The following SLC25A13 variants were observed in gnomAD, a reference collection of about 807,000 sequenced individuals.
The protein encoded by SLC25A13 is electrogenic aspartate/glutamate antiporter SLC25A13, mitochondrial.
A neutral mutation model predicts 85.5 loss-of-function variants in SLC25A13; 70 were observed. The ratio of observed to expected loss-of-function variants is 0.82; its 90% CI spans 0.68 to 1.00. SLC25A13 has a LOEUF of 1.00. SLC25A13 is among the 50% of genes least tolerant of loss of function. SLC25A13 has a pLI of 0.00. For missense variants in SLC25A13, 765 were observed against 819.8 expected, an observed-to-expected ratio of 0.93 and a Z score of 0.82; for synonymous variants, 259 against 288.7, an observed-to-expected ratio of 0.90 and a Z score of 1.04.
At chr7:96,301,631 TG>T (rs1395822858) in intron 1 of SLC25A13, among the ~76,000 whole-genome samples, 6 of 151,158 alleles carry the variant, frequency 4.0e-5, no homozygotes, top group Non-Finnish European at 8.9e-5. Context: ...TTTGGTGTTT[TG>T]TTTTTTTTTT....
intron 1 of SLC25A13, among the ~76,000 whole-genome samples, chr7:96,306,278 C>G (rs1162144357): frequency 6.6e-6 from 1 of 152,224 alleles, no homozygotes; most frequent in Non-Finnish European, 1.5e-5. Context: ...AATTAGGACA[C>G]AAGAGTCTGA....
chr7:96,163,409 G>T (rs1290523633), intron 13 of SLC25A13, among the ~76,000 whole-genome samples: 1 of 152,202 alleles, frequency 6.6e-6, no homozygotes, highest in African/African-American at 2.4e-5. Flanking sequence ...CTTCAGATGA[G>T]TCTGGCCCCA....
At chr7:96,193,254 T>TC (rs1465893196) in intron 5 of SLC25A13, 71 bp from the exon 6 acceptor site, 1 of 1,565,342 alleles carries the variant, frequency 6.4e-7, no homozygotes, top group Non-Finnish European at 8.7e-7. Flanking sequence ...GACAGTTCAT[T>TC]TTAAAATCAG....
chr7:96,192,243 A>T (rs1794882740), intron 6 of SLC25A13, among the ~76,000 whole-genome samples: 1 of 152,194 alleles, frequency 6.6e-6, no homozygotes, highest in Non-Finnish European at 1.5e-5. Flanking sequence ...GGAAACCCAG[A>T]TGATGGTGAA....
intron 4 of SLC25A13, among the ~76,000 whole-genome samples, chr7:96,216,628 A>G (rs1182126619): frequency 6.6e-6 from 1 of 152,190 alleles, no homozygotes; most frequent in Non-Finnish European, 1.5e-5. Flanking sequence ...GGCCGTTATC[A>G]TTAGCAAACT....
intron 5 of SLC25A13, among the ~76,000 whole-genome samples, chr7:96,203,449 A>G (rs927377651): frequency 2.0e-5 from 3 of 152,166 alleles, no homozygotes; most frequent in African/African-American, 7.2e-5. Flanking sequence ...CTTCAAATCC[A>G]CCTGTCTAAT....
intron 15 of SLC25A13, among the ~76,000 whole-genome samples, chr7:96,123,876 G>GC (rs1791620412): frequency 6.6e-6 from 1 of 152,210 alleles, no homozygotes; most frequent in Non-Finnish European, 1.5e-5. Flanking sequence ...AGATCTGCCT[G>GC]CTCTCTTCTG....
chr7:96,209,978 G>T (rs1266337712), intron 4 of SLC25A13, among the ~76,000 whole-genome samples: 1 of 151,984 alleles, frequency 6.6e-6, no homozygotes, highest in Admixed American at 6.5e-5. Flanking sequence ...AACAAAAAAA[G>T]AAGAAGAAAG....
At chr7:96,285,080 C>G (rs1474040435) in intron 2 of SLC25A13, among the ~76,000 whole-genome samples, 1 of 151,838 alleles carries the variant, frequency 6.6e-6, no homozygotes, top group Non-Finnish European at 1.5e-5. Context: ...TTTCCTCCCT[C>G]GAGCTACTGG....
At chr7:96,128,876 G>A (rs749423169) in intron 15 of SLC25A13, among the ~76,000 whole-genome samples, 23 of 149,826 alleles carry the variant, frequency 1.5e-4, no homozygotes, top group Non-Finnish European at 2.8e-4. Flanking sequence ...TGACATTCAC[G>A]CCTCTGCTTC....
intron 5 of SLC25A13, among the ~76,000 whole-genome samples, chr7:96,198,498 C>T (rs186385019): frequency 3.4e-4 from 52 of 152,310 alleles, no homozygotes; most frequent in Non-Finnish European, 5.7e-4. Flanking sequence ...ACTTCAAAGA[C>T]AGCATTTCAC....
At chr7:96,247,969 AAAAAAG>A (rs1175002235) in intron 3 of SLC25A13, among the ~76,000 whole-genome samples, 1 of 151,838 alleles carries the variant, frequency 6.6e-6, no homozygotes, top group African/African-American at 2.4e-5. Context: ...AAAAAAAAAA[AAAAAAG>A]AAAGAGTAGC....
chr7:96,208,365 T>C (rs1196784094), intron 5 of SLC25A13, among the ~76,000 whole-genome samples: 1 of 152,166 alleles, frequency 6.6e-6, no homozygotes, highest in Non-Finnish European at 1.5e-5. Flanking sequence ...TACTTCTCAA[T>C]GGGACAGTTT....
At position 96,120,301 on chromosome 7, in the gene SLC25A13, T is replaced by C. The variant is rs1288727046; in HGVS notation, c.*890A>G. 1 of 453,966 alleles carries C rather than the reference T, an allele frequency of 2.2e-6. No individual in the cohort carries two copies. Among genetic ancestry groups the C allele is most frequent in the Non-Finnish European group, 4.4e-6 (1 of 226,764 alleles). 28.1% of individuals were successfully genotyped at this position (453,966 alleles called of 1,614,324 possible). A position where few individuals can be genotyped will look rare whatever the true frequency, so the allele number is the denominator to read the frequency against. On this transcript the variant is annotated 3_prime_UTR_variant, in exon 18 of 18. Transcript: ENST00000265631. ...TGCAAGGCAACATGAATTAAATACT[T>C]ATGTCAGAACATATTTGTCTTACAT...
rs771453357 is a variant in SLC25A13, at chr7:96,219,651, C to A, written c.329-10674G>T. 23 of 533,314 alleles carry A rather than the reference C, an allele frequency of 4.3e-5. 2 individuals carry two copies. The Middle Eastern group carries it at 7.3e-3, about 169-fold the overall frequency. The allele number at this position is 533,314 out of a possible 1,614,324, so 33.0% of individuals were successfully genotyped here. On this transcript the variant is annotated intron_variant, in intron 4 of 17. Transcript: ENST00000265631. ...TAAAACACATTCCCAAGCCCCACAC[C>A]CAAAAATTATGAATCAGTAGATTTG...
Position 96,304,359 on chromosome 7 carries a change from T to C in SLC25A13, c.16-7408A>G, listed in dbSNP as rs1799661815. Among the ~76,000 whole-genome samples the C allele has an allele frequency of 2.0e-5, 3 of 152,170 alleles. 1 individual carries two copies. In the South Asian group the frequency reaches 6.2e-4, roughly 32 times the overall value. ...CATCAGCGAGTCATTTCAGAGGCAC[T>C]AGAGATGTTTATCAGAAGGATTCAG... On this transcript the variant is annotated intron_variant, in intron 1 of 17. Transcript: ENST00000265631.
intron 4 of SLC25A13, among the ~76,000 whole-genome samples, chr7:96,218,906 A>G (rs1795997191): frequency 6.6e-6 from 1 of 152,160 alleles, no homozygotes; most frequent in Non-Finnish European, 1.5e-5. Flanking sequence ...GTAATATTCC[A>G]CCCTGCTGAT....
intron 3 of SLC25A13, among the ~76,000 whole-genome samples, chr7:96,240,782 A>G (rs1156537435): frequency 6.6e-6 from 1 of 150,916 alleles, no homozygotes; most frequent in Non-Finnish European, 1.5e-5. Context: ...AAAAAACCCT[A>G]CAAAGTTGCT....
At chr7:96,167,300 T>C (rs1381671379) in intron 13 of SLC25A13, among the ~76,000 whole-genome samples, 1 of 152,216 alleles carries the variant, frequency 6.6e-6, no homozygotes, top group Non-Finnish European at 1.5e-5. Flanking sequence ...CTTTATTATA[T>C]CAAAAATAAT....
Sources: allele counts gnomAD v4.1 joint callset (sites outside exome capture counted in the v4.1 genomes callset), GRCh38; gene constraint gnomAD v4.1.1; transcripts MANE v1.5; gene names NCBI Gene and HGNC (gene_info 2026-07-23, HGNC 2026-07-21).